LAMB4: variants seen among roughly 807,000 people sequenced by gnomAD.
LAMB4 encodes laminin subunit beta-4.
In LAMB4, 196 loss-of-function variants were observed where a neutral mutation model predicts 199.2. That is an observed-to-expected ratio of 0.98 (90% CI 0.88 to 1.11). The LOEUF (loss-of-function observed/expected upper bound fraction) is 1.11. LAMB4 is among the 50% of genes least tolerant of loss of function. The probability of loss-of-function intolerance (pLI) is 0.00; values close to 1 mark genes in which losing one functional copy is unlikely to be tolerated. For synonymous variants in LAMB4, 744 were observed against 770.6 expected (o/e 0.97, Z 0.57); for missense variants, 2,080 against 2,171.2 (o/e 0.96, Z 0.83).
chr7:108,016,268 T>G, the LAMB4 span, among the ~76,000 whole-genome samples: 8 of 148,628 alleles, frequency 5.4e-5, no homozygotes, highest in Non-Finnish European at 1.2e-4. Context: ...ATCTCTTGCA[T>G]TTTGGAATTT....
intron 15 of LAMB4, 129 bp downstream of exon 15, chr7:108,079,472 G>A: frequency 1.3e-6 from 1 of 755,372 alleles, no homozygotes; most frequent in Non-Finnish European, 2.0e-6. Flanking sequence ...GGTTTATAAT[G>A]CTCCCCAGAT....
At chr7:108,120,738 T>C (rs1039478028) in intron 2 of LAMB4, among the ~76,000 whole-genome samples, 1 of 152,242 alleles carries the variant, frequency 6.6e-6, no homozygotes, top group South Asian at 2.1e-4. Context: ...TCCGTTGATG[T>C]TACATGTGAA....
intron 27 of LAMB4, 67 bp downstream of exon 27, chr7:108,049,259 C>T: frequency 1.7e-6 from 1 of 597,484 alleles, no homozygotes; most frequent in Non-Finnish European, 2.9e-6. Context: ...AGGGAAATAT[C>T]ATTGAAGAGG....
At chr7:108,079,560 T>A in intron 15 of LAMB4, 41 bp downstream of exon 15, 1 of 1,476,230 alleles carries the variant, frequency 6.8e-7, no homozygotes, top group Non-Finnish European at 9.2e-7. Context: ...AATGTATTTC[T>A]GTCAGCTTTT....
rs1375556936 is a variant in LAMB4 at position 108,098,563 on chromosome 7, A to G, written c.1200T>C (p.Asp400=). 1.2e-6 allele frequency: 2 copies of G among 1,602,464 alleles called. No individual in the cohort carries two copies. Among genetic ancestry groups the G allele is most frequent in the South Asian group, 1.1e-5 (1 of 88,966 alleles). Reference sequence around the variant, plus strand: ...CACAAATGCCACCAGATATGGTCCCATCGGGGTCACATTCACAAGCTGGGG... The same window carrying G: ...CACAAATGCCACCAGATATGGTCCCGTCGGGGTCACATTCACAAGCTGGGG... ...YACIPCECDP[D]GTISGGICVS... Residue 400 remains aspartate (D), a synonymous_variant, in exon 11 of 34, where the codon GAT becomes GAC. Coordinates refer to ENST00000388781, the MANE Select transcript of LAMB4 (RefSeq NM_007356.3).
At chr7:108,124,673 A>T (rs917769495) in intron 1 of LAMB4, among the ~76,000 whole-genome samples, 3 of 151,946 alleles carry the variant, frequency 2.0e-5, no homozygotes. Context: ...GCAAAAAAAA[A>T]ACAACCTCAT....
chr7:108,030,992 T>C lies in LAMB4; in HGVS notation c.4819-13A>G, dbSNP rs1266366812. On this transcript the variant is annotated splice_polypyrimidine_tract_variant and intron_variant, in intron 31 of 33. Coordinates refer to ENST00000388781, the MANE Select transcript of LAMB4 (RefSeq NM_007356.3). Reference sequence around the variant, plus strand: ...TTTGATTTTCAGCCTGTTGTTGATTTAAAGACCAAAAAGGGAAAATCTCTT... The same window carrying C: ...TTTGATTTTCAGCCTGTTGTTGATTCAAAGACCAAAAAGGGAAAATCTCTT... 3.1e-6 allele frequency: 5 copies of C among 1,607,042 alleles called. No homozygotes were observed. The South Asian group carries it at 5.6e-5, about 18-fold the overall frequency.
At chr7:108,052,397 C>T (rs772113508) in intron 25 of LAMB4, 140 bp from the exon 26 acceptor site, 31 of 590,090 alleles carry the variant, frequency 5.3e-5, no homozygotes, top group African/African-American at 1.5e-4. Flanking sequence ...TTTCATTTGA[C>T]GGTTTATAAT....
At chr7:108,118,526 A>G (rs2038488626) in intron 2 of LAMB4, among the ~76,000 whole-genome samples, 1 of 152,150 alleles carries the variant, frequency 6.6e-6, no homozygotes, top group Non-Finnish European at 1.5e-5. Context: ...TCAATGGAGG[A>G]AGAACAGCCT....
At chr7:108,049,999 A>C (rs1257195203) in intron 26 of LAMB4, among the ~76,000 whole-genome samples, 2 of 152,244 alleles carry the variant, frequency 1.3e-5, no homozygotes, top group African/African-American at 4.8e-5. Flanking sequence ...AGGAGTTGAC[A>C]AACTTTTTCT....
chr7:108,019,389 G>A (rs2034644734), downstream of LAMB4, among the ~76,000 whole-genome samples: 1 of 151,834 alleles, frequency 6.6e-6, no homozygotes, highest in Non-Finnish European at 1.5e-5. Context: ...ATTACACGGG[G>A]CCCACCTGGA....
intron 22 of LAMB4, among the ~76,000 whole-genome samples, 173 bp from the exon 23 acceptor site, chr7:108,063,167 T>G (rs781636286): frequency 2.6e-5 from 4 of 152,226 alleles, no homozygotes; most frequent in African/African-American, 4.8e-5. Context: ...TGAACCCATT[T>G]AATGGTTTCT....
intron 26 of LAMB4, among the ~76,000 whole-genome samples, chr7:108,050,396 A>G (rs1466232554): frequency 1.3e-5 from 2 of 152,222 alleles, no homozygotes; most frequent in Non-Finnish European, 2.9e-5. Context: ...CTAAGTTCTC[A>G]TTGATAGTAA....
chr7:108,031,333 AAAAAAAAAAAAAAAG>A (rs962896920), intron 31 of LAMB4, among the ~76,000 whole-genome samples: 2 of 137,734 alleles, frequency 1.5e-5, no homozygotes, highest in African/African-American at 2.8e-5. Flanking sequence ...AACAATAACA[AAAAAAAAAAAAAAAG>A]AAAAAAAAGA....
chr7:108,037,327 C>T (rs2035264774), intron 30 of LAMB4, 61 bp downstream of exon 30: 1 of 1,316,906 alleles, frequency 7.6e-7, no homozygotes, highest in South Asian at 1.3e-5. Flanking sequence ...AAACATTTTC[C>T]TGATGTCCTT....
chr7:108,084,649 GGTAA>G (rs966827984), intron 14 of LAMB4, among the ~76,000 whole-genome samples: 3 of 152,134 alleles, frequency 2.0e-5, no homozygotes, highest in African/African-American at 7.2e-5. Flanking sequence ...GTGAGTGCAA[GGTAA>G]GTGTGTTACT....
Position 108,048,115 on chromosome 7 carries a change from G to C in LAMB4, c.4123-4C>G, listed in dbSNP as rs368841672. 2.0e-6 allele frequency: 3 copies of C among 1,528,078 alleles called. No individual in the cohort carries two copies. The Admixed American group carries it at 5.3e-5, about 27-fold the overall frequency. The allele number at this position is 1,528,078 out of a possible 1,614,324, so 94.7% of individuals were successfully genotyped here. A position where few individuals can be genotyped will look rare whatever the true frequency, so the allele number is the denominator to read the frequency against. ...CATTTCCTGGATCTCCGCACACCTT[G>C]CAAGAGAAATGATTTACGTTAAATA... On this transcript the variant is annotated splice_region_variant and splice_polypyrimidine_tract_variant and intron_variant, in intron 27 of 33. Coordinates refer to ENST00000388781, the MANE Select transcript of LAMB4 (RefSeq NM_007356.3).
At chr7:108,048,158 CTTTTTTTTTTTTT>C (rs747991620) in intron 27 of LAMB4, 47 bp from the exon 28 acceptor site, 68 of 463,316 alleles carry the variant, frequency 1.5e-4, no homozygotes, top group South Asian at 1.3e-3. Context: ...GTTGTCAGAG[CTTTTTTTTTTTTT>C]TTTTTTTTTT....
chr7:108,096,939 CAAAAAAAAAAAAAAAAA>C (rs746917278), intron 11 of LAMB4, among the ~76,000 whole-genome samples: 2 of 52,820 alleles, frequency 3.8e-5, no homozygotes, highest in Non-Finnish European at 6.5e-5. Context: ...CTGTCTCTCT[CAAAAAAAAAAAAAAAAA>C]AAAAAAAAAA....
Sources: gnomAD v4.1 joint callset for allele counts (sites outside exome capture counted in the v4.1 genomes callset) on GRCh38, gnomAD v4.1.1 for gene constraint, MANE v1.5 for transcripts, NCBI Gene and HGNC (gene_info 2026-07-23, HGNC 2026-07-21) for gene names.